Variants in BMPR2 observed in about 807,000 individuals in gnomAD.
BMPR2 encodes the protein bone morphogenetic protein receptor type-2.
Under a neutral mutation model 100.8 loss-of-function variants are expected in BMPR2, and 29 were observed. The ratio of observed to expected loss-of-function variants is 0.29; its 90% CI spans 0.21 to 0.39. The LOEUF is 0.39. BMPR2 is among the 10% of genes least tolerant of loss of function. BMPR2 has a pLI of 1.00. For synonymous variants in BMPR2, 382 were observed against 442.3 expected (o/e 0.86, Z 1.71); for missense variants, 1,011 against 1,274.5 (o/e 0.79, Z 3.15).
chr2:202,445,310 T>A (rs1691828844), intron 1 of BMPR2, among the ~76,000 whole-genome samples: 1 of 150,036 alleles, frequency 6.7e-6, no homozygotes, highest in Non-Finnish European at 1.5e-5. Flanking sequence ...CACTGTAGCC[T>A]CAACCTCCCA....
At chr2:202,515,761 C>T (rs1016934212) in intron 5 of BMPR2, among the ~76,000 whole-genome samples, 4 of 151,254 alleles carry the variant, frequency 2.6e-5, no homozygotes, top group Admixed American at 2.0e-4. Flanking sequence ...TGGTGGCGCC[C>T]GCCTGTAGTC....
At chr2:202,515,097 CA>C (rs1383787434) in intron 5 of BMPR2, 118 bp downstream of exon 5, 1 of 1,093,722 alleles carries the variant, frequency 9.1e-7, no homozygotes, top group African/African-American at 1.5e-5. Flanking sequence ...TACTAAATTA[CA>C]ATTTTTTGTC....
intron 3 of BMPR2, among the ~76,000 whole-genome samples, chr2:202,513,158 C>T (rs1687654747): frequency 6.6e-6 from 1 of 151,520 alleles, no homozygotes; most frequent in Admixed American, 6.6e-5. Context: ...GTTTTAATGT[C>T]TGGCATTTTG....
chr2:202,556,673 A>G, intron 12 of BMPR2, 142 bp downstream of exon 12: 2 of 1,077,178 alleles, frequency 1.9e-6, no homozygotes, highest in Non-Finnish European at 2.7e-6. Context: ...GAGGCGGGGC[A>G]CAGTGGCTCA....
intron 3 of BMPR2, among the ~76,000 whole-genome samples, chr2:202,506,221 A>C (rs1687518004): frequency 6.6e-6 from 1 of 151,864 alleles, no homozygotes; most frequent in Admixed American, 6.6e-5. Flanking sequence ...CAGTGGTGTG[A>C]TATCAGCTCA....
intron 3 of BMPR2, among the ~76,000 whole-genome samples, chr2:202,485,492 T>G (rs1375548267): frequency 1.9e-4 from 29 of 150,370 alleles, no homozygotes; most frequent in Non-Finnish European, 3.0e-5. Context: ...TCTCTGCTTC[T>G]GCCTTCACAT....
chr2:202,449,096 G>A (rs76029115), intron 1 of BMPR2, among the ~76,000 whole-genome samples: 161 of 151,936 alleles, frequency 1.1e-3, no homozygotes, highest in African/African-American at 3.8e-3. Context: ...GGCAGGCGAG[G>A]TCGGGAGTTC....
At chr2:202,464,426 A>G (rs1297326754) in intron 1 of BMPR2, among the ~76,000 whole-genome samples, 1 of 152,218 alleles carries the variant, frequency 6.6e-6, no homozygotes, top group East Asian at 1.9e-4. Flanking sequence ...AAAAGTAAGT[A>G]CTATGCAATT....
chr2:202,431,675 A>AC (rs1691505052), intron 1 of BMPR2, among the ~76,000 whole-genome samples: 1 of 150,202 alleles, frequency 6.7e-6, no homozygotes, highest in African/African-American at 2.5e-5. Flanking sequence ...AATATTCAGT[A>AC]GTATAGTAAC....
At chr2:202,512,215 G>A (rs1357285451) in intron 3 of BMPR2, among the ~76,000 whole-genome samples, 1 of 152,156 alleles carries the variant, frequency 6.6e-6, no homozygotes, top group Non-Finnish European at 1.5e-5. Context: ...CTTTGCCGTA[G>A]AGGCATCCTA....
chr2:202,498,232 C>T (rs993342908), intron 3 of BMPR2, among the ~76,000 whole-genome samples: 5 of 152,172 alleles, frequency 3.3e-5, no homozygotes, highest in Admixed American at 6.5e-5. Context: ...TTTTCTCAGT[C>T]GGTCCTCCTT....
At chr2:202,476,574 A>G (rs1692556768) in intron 3 of BMPR2, among the ~76,000 whole-genome samples, 1 of 152,108 alleles carries the variant, frequency 6.6e-6, no homozygotes, top group Non-Finnish European at 1.5e-5. Context: ...GGATTGCCTG[A>G]GTTCAGGAGT....
chr2:202,456,517 C>T (rs3927303), intron 1 of BMPR2, among the ~76,000 whole-genome samples: 122,666 of 131,158 alleles, frequency 0.94, 57,927 homozygotes, highest in East Asian at 1. Context: ...TTCTTTCTTT[C>T]TTTTTTTTTT....
chr2:202,510,399 G>A (rs1478955507), intron 3 of BMPR2, among the ~76,000 whole-genome samples: 2 of 152,106 alleles, frequency 1.3e-5, no homozygotes, highest in South Asian at 2.1e-4. Flanking sequence ...ATAATATTCA[G>A]TGATAAAAGG....
chr2:202,546,076 A>G (rs1312639377), intron 10 of BMPR2, among the ~76,000 whole-genome samples: 1 of 152,204 alleles, frequency 6.6e-6, no homozygotes, highest in Non-Finnish European at 1.5e-5. Context: ...TATTTACCTG[A>G]AAACTTTTTA....
chr2:202,450,269 A>C (rs527927260), intron 1 of BMPR2, among the ~76,000 whole-genome samples: 2 of 152,234 alleles, frequency 1.3e-5, no homozygotes, highest in Non-Finnish European at 2.9e-5. Flanking sequence ...CTTTCCTACT[A>C]TGATCTTTCT....
chr2:202,382,652 T>C (rs530301797), intron 1 of BMPR2, among the ~76,000 whole-genome samples: 78 of 152,366 alleles, frequency 5.1e-4, no homozygotes, highest in African/African-American at 1.8e-3. Context: ...TAGGGTTGTT[T>C]ATTGACTCAA....
intron 1 of BMPR2, among the ~76,000 whole-genome samples, chr2:202,461,986 G>A (rs1282544875): frequency 6.6e-6 from 1 of 151,866 alleles, no homozygotes; most frequent in Non-Finnish European, 1.5e-5. Context: ...ACATATGTGT[G>A]TAGTATACAT....
chr2:202,438,967 A>T (rs1216663120), intron 1 of BMPR2, among the ~76,000 whole-genome samples: 1 of 150,614 alleles, frequency 6.6e-6, no homozygotes, highest in Admixed American at 6.6e-5. Context: ...TTGCATTTCC[A>T]TATAAAGCAG....
Sources: allele counts gnomAD v4.1 joint callset (sites outside exome capture counted in the v4.1 genomes callset), GRCh38; gene constraint gnomAD v4.1.1; transcripts MANE v1.5; gene names NCBI Gene and HGNC (gene_info 2026-07-23, HGNC 2026-07-21).